OPN4: variants seen among roughly 807,000 people sequenced by gnomAD.
The protein encoded by OPN4 is melanopsin.
A neutral mutation model predicts 49.5 loss-of-function variants in OPN4; 43 were observed. The observed-to-expected ratio is 0.87, with a 90% CI of 0.68 to 1.12. OPN4 has a LOEUF of 1.12. Among genes scored for constraint, OPN4 ranks in the 50% most tolerant of loss-of-function variants. The pLI, the probability that OPN4 is intolerant of heterozygous loss-of-function variation, is 0.00. For missense variants in OPN4, 657 were observed against 643.9 expected (o/e 1.02, Z -0.22); for synonymous variants, 263 against 258.0 (o/e 1.02, Z -0.19).
chr10:86,657,042 G>GC (rs1034037449), intron 2 of OPN4, among the ~76,000 whole-genome samples: 2 of 150,272 alleles, frequency 1.3e-5, no homozygotes, highest in African/African-American at 4.9e-5. Context: ...CTCTCCATCT[G>GC]CCCCCCTGCC....
At chr10:86,664,016 ATGTG>A (rs34715539) in intron 9 of OPN4, 106 of 497,690 alleles carry the variant, frequency 2.1e-4, no homozygotes, top group Middle Eastern at 3.2e-4. Context: ...TGGTCTGCAC[ATGTG>A]TGTGTGTGTG....
intron 2 of OPN4, chr10:86,657,287 G>C: frequency 2.6e-6 from 2 of 771,450 alleles, no homozygotes; most frequent in Admixed American, 1.7e-5. Flanking sequence ...CTGTGCACCG[G>C]AGCAAGTCAC....
At chr10:86,657,672 G>C (rs1843903365) in intron 2 of OPN4, among the ~76,000 whole-genome samples, 1 of 152,208 alleles carries the variant, frequency 6.6e-6, no homozygotes, top group South Asian at 2.1e-4. Flanking sequence ...GAAATGGTGT[G>C]AGTCGTGCAG....
intron 7 of OPN4, 111 bp from the exon 8 acceptor site, chr10:86,662,141 C>A: frequency 1.1e-6 from 1 of 890,920 alleles, no homozygotes; most frequent in Non-Finnish European, 1.7e-6. Flanking sequence ...CCCATTTCCC[C>A]AGAGGCTCTC....
chr10:86,658,544 C>T lies in OPN4; in HGVS notation c.485C>T (p.Thr162Met), dbSNP rs140087560. 1.0e-4 allele frequency: 168 copies of T among 1,614,094 alleles called. No homozygotes were observed. Among genetic ancestry groups the T allele is most frequent in the South Asian group, 3.2e-4 (29 of 91,088 alleles). The change falls in exon 4 of 10, where the codon ACG becomes ATG. Residue 162 changes from threonine to methionine, a missense_variant. Transcript: ENST00000241891. The stretch of plus-strand genomic sequence containing the variant: ...GGCATTTCCTCCATGATCACCCTGA[C>T]GGCCATCGCCCTGGACCGCTACCTG... The part of the protein sequence containing the change: ...LFGISSMITL[T>M]AIALDRYLVI...
chr10:86,659,891 CTA>C lies in OPN4; in HGVS notation c.801-3_801-2del, dbSNP rs1191416423. ...GTCAGACCTGGACGATGCGTCCTTC[CTA>C]GGGCTCTCCAGACCTTCGGGGCCTG... On this transcript the variant is annotated splice_acceptor_variant and splice_polypyrimidine_tract_variant and intron_variant, in intron 5 of 9. Transcript: ENST00000241891. LOFTEE classifies it high-confidence loss of function. The C allele has an allele frequency of 1.2e-6, 2 of 1,614,076 alleles. No individual in the cohort carries two copies. The highest frequency in any genetic ancestry group is 1.7e-6 in the Non-Finnish European group (2 of 1,179,990).
rs113618159 is a variant in OPN4 at position 86,657,890 on chromosome 10, G to A, written c.291-142G>A. Reference sequence around the variant, plus strand: ...GGATAGCTCTGTGGCCCGGCAGCTCGTGCCTGTTTGCTTGCCCATGTGTGT... The same window carrying A: ...GGATAGCTCTGTGGCCCGGCAGCTCATGCCTGTTTGCTTGCCCATGTGTGT... On this transcript the variant is annotated intron_variant, in intron 2 of 9. Transcript: ENST00000241891. 1.7e-4 allele frequency: 142 copies of A among 850,254 alleles called. 1 individual carries two copies. The highest frequency in any genetic ancestry group is 9.2e-4 in the African/African-American group (54 of 58,752). 52.7% of individuals were successfully genotyped at this position (850,254 alleles called of 1,614,324 possible).
In OPN4 at chr10:86,654,780, C is replaced by A. The variant is rs775935585; in HGVS notation, c.-4C>A. On this transcript the variant is annotated 5_prime_UTR_variant, in exon 1 of 10. Transcript: ENST00000241891. The stretch of plus-strand genomic sequence containing the variant: ...GGCTCGAGCAAGGACCATCCCAACT[C>A]AGGATGAACCCTCCTTCGGGGCCAA... The A allele has an allele frequency of 2.5e-6, 4 of 1,609,694 alleles. No individual in the cohort carries two copies. In the South Asian group the frequency reaches 4.4e-5, roughly 18 times the overall value.
Position 86,663,524 on chromosome 10 carries a change from C to A in OPN4, c.1255-135C>A, listed in dbSNP as rs36048742. On this transcript the variant is annotated intron_variant, in intron 8 of 9. Coordinates refer to ENST00000241891, the MANE Select transcript of OPN4 (RefSeq NM_033282.4). ...ACGGGGTTTATTTGGTGACCGGCAA[C>A]GGTGCAAATGGTGTCAGGGGCCTCC... 11 of 737,050 alleles carry A rather than the reference C, an allele frequency of 1.5e-5. No individual in the cohort carries two copies. The South Asian group carries it at 2.8e-4, about 19-fold the overall frequency. 45.7% of individuals were successfully genotyped at this position (737,050 alleles called of 1,614,324 possible). A position where few individuals can be genotyped will look rare whatever the true frequency, so the allele number is the denominator to read the frequency against.
chr10:86,664,318 T>G (rs1032310175), intron 9 of OPN4, among the ~76,000 whole-genome samples: 1 of 152,172 alleles, frequency 6.6e-6, no homozygotes, highest in African/African-American at 2.4e-5. Flanking sequence ...ACTGCGAGGT[T>G]GGACATACCT....
rs1844160400 is a variant in OPN4 at position 86,665,864 on chromosome 10, G to A, written c.*113G>A. Reference sequence around the variant, plus strand: ...GCCTGCAGGCTTTGGAAGTGGCCCTGTCACCCGTGCTGCACGGGATTCACA... The same window carrying A: ...GCCTGCAGGCTTTGGAAGTGGCCCTATCACCCGTGCTGCACGGGATTCACA... On this transcript the variant is annotated 3_prime_UTR_variant, in exon 10 of 10. Coordinates refer to ENST00000241891, the MANE Select transcript of OPN4 (RefSeq NM_033282.4). The A allele has an allele frequency of 2.3e-6, 2 of 860,500 alleles. No homozygotes were observed. Among genetic ancestry groups the A allele is most frequent in the Non-Finnish European group, 3.8e-6 (2 of 528,594 alleles). The allele number at this position is 860,500 out of a possible 1,614,324, so 53.3% of individuals were successfully genotyped here. A position where few individuals can be genotyped will look rare whatever the true frequency, so the allele number is the denominator to read the frequency against.
chr10:86,657,269 A>T (rs1375030065), intron 2 of OPN4: 4 of 778,464 alleles, frequency 5.1e-6, no homozygotes, highest in Non-Finnish European at 9.6e-6. Flanking sequence ...TGAGCCACTT[A>T]CTGAGTGCTG....
At chr10:86,662,465 T>C (rs1447358275) in intron 8 of OPN4, 33 bp downstream of exon 8, 2 of 1,531,318 alleles carry the variant, frequency 1.3e-6, no homozygotes, top group Admixed American at 2.0e-5. Context: ...AGCTTGCGCC[T>C]GGCCATCCCT....
chr10:86,656,451 A>C, intron 2 of OPN4, 151 bp downstream of exon 2: 1 of 1,042,692 alleles, frequency 9.6e-7, no homozygotes, highest in Admixed American at 2.8e-5. Flanking sequence ...CGATGATCTC[A>C]GGCCCAGACC....
At chr10:86,663,883 G>C in intron 9 of OPN4, 81 bp downstream of exon 9, 10 of 1,484,856 alleles carry the variant, frequency 6.7e-6, no homozygotes, top group Non-Finnish European at 8.2e-6. Flanking sequence ...AGGAAAGAGA[G>C]ACTTGTTCTC....
At chr10:86,662,493 G>A (rs1564622118) in intron 8 of OPN4, 61 bp downstream of exon 8, 4 of 1,487,176 alleles carry the variant, frequency 2.7e-6, no homozygotes, top group Non-Finnish European at 3.6e-6. Flanking sequence ...GCAGCCCTGG[G>A]GCTCTGGGGA....
chr10:86,659,359 G>C lies in OPN4; in HGVS notation c.691G>C (p.Ala231Pro). The change falls in exon 5 of 10, where the codon GCC becomes CCC. Residue 231 changes from alanine to proline, a missense_variant. Ala to Pro is a conservative substitution (Grantham distance 27, BLOSUM62 -1). Coordinates refer to ENST00000241891, the MANE Select transcript of OPN4 (RefSeq NM_033282.4). ...CTGGGACTACATGAGCTTCACGCCG[G>C]CCGTGCGTGCCTACACCATGCTTCT... ...CSWDYMSFTP[A>P]VRAYTMLLCC... The C allele has an allele frequency of 6.2e-7, 1 of 1,613,926 alleles. No homozygotes were observed. The highest frequency in any genetic ancestry group is 1.1e-5 in the South Asian group (1 of 91,086).
Position 86,659,460 on chromosome 10 carries a change from G to C in OPN4, c.792G>C (p.Glu264Asp). The C allele has an allele frequency of 6.2e-7, 1 of 1,613,892 alleles. No homozygotes were observed. The highest frequency in any genetic ancestry group is 8.5e-7 in the Non-Finnish European group (1 of 1,179,978). The part of the protein sequence containing the change: ...CYIFIFRAIR[E>D]TGRALQTFGA... The stretch of plus-strand genomic sequence containing the variant: ...TCTTCATCTTCAGGGCCATCCGGGA[G>C]ACAGGACGGTAAGAGCCGAGCATGG... Residue 264 changes from glutamate (E) to aspartate (D), a missense_variant, in exon 5 of 10, where the codon GAG becomes GAC. Transcript: ENST00000241891.
intron 8 of OPN4, among the ~76,000 whole-genome samples, chr10:86,662,775 G>A (rs34134713): frequency 9.1e-4 from 138 of 152,358 alleles, no homozygotes; most frequent in African/African-American, 3.2e-3. Context: ...GCTCTAGATA[G>A]GGCTCCAGAG....
Sources: allele counts gnomAD v4.1 joint callset (sites outside exome capture counted in the v4.1 genomes callset), GRCh38; gene constraint gnomAD v4.1.1; transcripts MANE v1.5; gene names NCBI Gene and HGNC (gene_info 2026-07-23, HGNC 2026-07-21).